NDUFA5: variants seen among roughly 807,000 people sequenced by gnomAD.
NDUFA5 encodes the protein NADH dehydrogenase [ubiquinone] 1 alpha subcomplex subunit 5.
A neutral mutation model predicts 19.8 loss-of-function variants in NDUFA5; 11 were observed. The ratio of observed to expected loss-of-function variants is 0.56; its 90% CI spans 0.35 to 0.92. The LOEUF (loss-of-function observed/expected upper bound fraction) is 0.92. Ranked by LOEUF, NDUFA5 falls within the 40% of genes least tolerant of loss-of-function variation. The pLI is 0.01. For missense variants in NDUFA5, 109 were observed against 134.2 expected (o/e 0.81, Z 0.93); for synonymous variants, 47 against 46.8 (o/e 1.00, Z -0.01).
intron 1 of NDUFA5, 76 bp downstream of exon 1, chr7:123,557,699 C>T (rs1355002627): frequency 6.2e-7 from 1 of 1,614,046 alleles, no homozygotes; most frequent in East Asian, 2.2e-5. Context: ...GGGGTCAACA[C>T]CCGCGGGAAG....
intron 3 of NDUFA5, 83 bp downstream of exon 3, chr7:123,550,387 T>C: frequency 1.3e-6 from 1 of 767,916 alleles, no homozygotes. Flanking sequence ...AGAAGAAAAG[T>C]GTGTCGAATA....
At chr7:123,598,278 T>C in the NDUFA5 span, among the ~76,000 whole-genome samples, 1 of 152,188 alleles carries the variant, frequency 6.6e-6, no homozygotes. Context: ...ATTATGCCCT[T>C]ATTTTGATAA....
chr7:123,579,140 A>G, the NDUFA5 span, among the ~76,000 whole-genome samples: 2 of 151,992 alleles, frequency 1.3e-5, no homozygotes, highest in South Asian at 4.1e-4. Context: ...TAACTCCTAC[A>G]AATATGCAGT....
At chr7:123,587,343 T>A in the NDUFA5 span, among the ~76,000 whole-genome samples, 1 of 151,720 alleles carries the variant, frequency 6.6e-6, no homozygotes, top group African/African-American at 2.4e-5. Flanking sequence ...ATTTTTCTGA[T>A]ATTTTATTGT....
the NDUFA5 span, among the ~76,000 whole-genome samples, chr7:123,564,113 G>A: frequency 6.6e-6 from 1 of 152,142 alleles, no homozygotes; most frequent in African/African-American, 2.4e-5. Flanking sequence ...GCGATGCCTA[G>A]AATATGTAAG....
rs930480614 is a variant in NDUFA5, at chr7:123,537,026, CTT to C, written c.*5091_*5092del. On this transcript the variant is annotated 3_prime_UTR_variant, in exon 5 of 5. Transcript: ENST00000355749. ...GTTACATAATAAATTTATATTCAAACTTAATGAAAACAACCAATAGGAAAAAG... is the reference window on the plus strand; with the variant it reads ...GTTACATAATAAATTTATATTCAAACAATGAAAACAACCAATAGGAAAAAG... 4 of 152,182 alleles carry C rather than the reference CTT, an allele frequency of 2.6e-5. No homozygotes were observed. Among genetic ancestry groups the C allele is most frequent in the African/African-American group, 9.7e-5 (4 of 41,446 alleles). 9.4% of individuals were successfully genotyped at this position (152,182 alleles called of 1,614,324 possible). A position where few individuals can be genotyped will look rare whatever the true frequency, so the allele number is the denominator to read the frequency against.
chr7:123,559,983 T>A (rs905177982), upstream of NDUFA5, among the ~76,000 whole-genome samples: 4 of 148,220 alleles, frequency 2.7e-5, no homozygotes, highest in Non-Finnish European at 6.0e-5. Flanking sequence ...GAAAAAAAAA[T>A]TATACACCAC....
At chr7:123,597,917 CGTGTGTGTGTGTGT>C in the NDUFA5 span, among the ~76,000 whole-genome samples, 37 of 133,070 alleles carry the variant, frequency 2.8e-4, no homozygotes, top group African/African-American at 5.5e-4. Context: ...TTTCAAACTT[CGTGTGTGTGTGTGT>C]GTGTGTGTGT....
the NDUFA5 span, among the ~76,000 whole-genome samples, chr7:123,583,790 G>C: frequency 1.3e-5 from 2 of 151,870 alleles, no homozygotes; most frequent in Admixed American, 6.6e-5. Flanking sequence ...GCAAAGTAGA[G>C]GGGGGACAAG....
At chr7:123,578,358 A>C in the NDUFA5 span, among the ~76,000 whole-genome samples, 2 of 151,752 alleles carry the variant, frequency 1.3e-5, no homozygotes, top group Non-Finnish European at 2.9e-5. Flanking sequence ...TCTGTTTTTT[A>C]GCCTCTAGGA....
chr7:123,557,542 A>T (rs776144821), intron 1 of NDUFA5, 94 bp from the exon 2 acceptor site: 5 of 1,611,216 alleles, frequency 3.1e-6, no homozygotes, highest in Middle Eastern at 3.3e-4. Context: ...CCCCCGGCTA[A>T]AACTGGTCTA....
At chr7:123,568,515 C>A in the NDUFA5 span, among the ~76,000 whole-genome samples, 1 of 149,510 alleles carries the variant, frequency 6.7e-6, no homozygotes, top group African/African-American at 2.5e-5. Flanking sequence ...GAGCGAAAGT[C>A]CATCTCAAGA....
chr7:123,569,445 G>GGT, the NDUFA5 span, among the ~76,000 whole-genome samples: 5 of 152,276 alleles, frequency 3.3e-5, no homozygotes, highest in Non-Finnish European at 5.9e-5. Flanking sequence ...ATTACTACCT[G>GGT]GTGTGGGTGG....
chr7:123,590,724 A>G, the NDUFA5 span, among the ~76,000 whole-genome samples: 1 of 152,144 alleles, frequency 6.6e-6, no homozygotes, highest in Admixed American at 6.6e-5. Flanking sequence ...GTTCGATGTC[A>G]GGTAGCGTGA....
chr7:123,543,073 G>T (rs187850685), intron 4 of NDUFA5, among the ~76,000 whole-genome samples: 2 of 152,156 alleles, frequency 1.3e-5, no homozygotes, highest in African/African-American at 4.8e-5. Flanking sequence ...CCCCATCTAT[G>T]ACAGCGGTCC....
At chr7:123,570,310 A>T in the NDUFA5 span, among the ~76,000 whole-genome samples, 734 of 152,156 alleles carry the variant, frequency 4.8e-3, 1 homozygote, top group Non-Finnish European at 9.4e-3. Flanking sequence ...TGCTGGGATT[A>T]CAGGCGTGAG....
chr7:123,601,562 G>A, the NDUFA5 span, among the ~76,000 whole-genome samples: 6 of 152,128 alleles, frequency 3.9e-5, no homozygotes, highest in Non-Finnish European at 8.8e-5. Context: ...TAAATTGTGC[G>A]TTAATTCCAA....
chr7:123,546,630 A>C, intron 3 of NDUFA5: 1 of 1,249,342 alleles, frequency 8.0e-7, no homozygotes, highest in Non-Finnish European at 1.0e-6. Context: ...CTGGCCAATA[A>C]ATGGAATAAA....
chr7:123,589,743 C>A, the NDUFA5 span, among the ~76,000 whole-genome samples: 1 of 152,090 alleles, frequency 6.6e-6, no homozygotes, highest in East Asian at 1.9e-4. Context: ...GGGTTGATTC[C>A]AAGTCTTGCT....
Sources: gnomAD v4.1 joint callset for allele counts (sites outside exome capture counted in the v4.1 genomes callset) on GRCh38, gnomAD v4.1.1 for gene constraint, MANE v1.5 for transcripts, NCBI Gene and HGNC (gene_info 2026-07-23, HGNC 2026-07-21) for gene names.